Variants in NYAP2 observed in about 807,000 individuals in gnomAD.
NYAP2 encodes neuronal tyrosine-phosphorylated phosphoinositide-3-kinase adaptor 2.
A neutral mutation model predicts 50.4 loss-of-function variants in NYAP2; 23 were observed. The ratio of observed to expected loss-of-function variants is 0.46; its 90% CI spans 0.33 to 0.65. The LOEUF is 0.65. Among genes scored for constraint, NYAP2 ranks in the 30% least tolerant of loss-of-function variants. The probability of loss-of-function intolerance (pLI) is 0.02; values close to 1 mark genes in which losing one functional copy is unlikely to be tolerated. For synonymous variants in NYAP2, 394 were observed against 365.2 expected (o/e 1.08, Z -0.90); for missense variants, 885 against 861.0 (o/e 1.03, Z -0.35).
chr2:225,648,765 C>T (rs139043567), intron 6 of NYAP2, among the ~76,000 whole-genome samples: 2 of 152,164 alleles, frequency 1.3e-5, no homozygotes, highest in Non-Finnish European at 2.9e-5. Context: ...ATGTAGACAG[C>T]CTAGGGACCA....
chr2:225,648,441 G>A (rs201216619), intron 6 of NYAP2, among the ~76,000 whole-genome samples: 1 of 152,146 alleles, frequency 6.6e-6, no homozygotes, highest in African/African-American at 2.4e-5. Context: ...TTTTGAACAA[G>A]ATGAGTGGCC....
chr2:225,637,989 A>G (rs1368090664), intron 6 of NYAP2, among the ~76,000 whole-genome samples: 2 of 152,226 alleles, frequency 1.3e-5, no homozygotes, highest in Admixed American at 6.5e-5. Context: ...ATCGAAATGA[A>G]TATTGTTGTC....
At chr2:225,603,518 G>A (rs1266569095) in intron 5 of NYAP2, among the ~76,000 whole-genome samples, 2 of 152,134 alleles carry the variant, frequency 1.3e-5, no homozygotes, top group Admixed American at 1.3e-4. Context: ...CTGGAGTGCA[G>A]TAATGCGATC....
intron 5 of NYAP2, among the ~76,000 whole-genome samples, chr2:225,603,130 A>C (rs1008296817): frequency 9.2e-5 from 14 of 152,160 alleles, no homozygotes; most frequent in Non-Finnish European, 1.6e-4. Context: ...TCAGTGTATA[A>C]GTCTTTTACT....
At chr2:225,469,025 A>G (rs995372174) in intron 3 of NYAP2, among the ~76,000 whole-genome samples, 1 of 152,242 alleles carries the variant, frequency 6.6e-6, no homozygotes, top group Admixed American at 6.5e-5. Context: ...ATGAGATCTA[A>G]TTAAACTAAA....
At chr2:225,565,341 T>G (rs1897227) in intron 4 of NYAP2, among the ~76,000 whole-genome samples, 16,183 of 152,146 alleles carry the variant, frequency 0.11, 976 homozygotes, top group South Asian at 0.13. Flanking sequence ...TACATATTTT[T>G]AAAACACATG....
At chr2:225,442,171 A>G (rs1322137915) in intron 3 of NYAP2, among the ~76,000 whole-genome samples, 1 of 152,228 alleles carries the variant, frequency 6.6e-6, no homozygotes, top group African/African-American at 2.4e-5. Flanking sequence ...AATAATCCGT[A>G]TTTGTTCCAA....
intron 4 of NYAP2, among the ~76,000 whole-genome samples, chr2:225,522,388 A>T (rs527841905): frequency 6.6e-6 from 1 of 152,218 alleles, no homozygotes; most frequent in South Asian, 2.1e-4. Flanking sequence ...TGTTTTAGAC[A>T]TGTTTAGTAA....
At chr2:225,401,617 C>G (rs1397299587) in intron 2 of NYAP2, among the ~76,000 whole-genome samples, 4 of 151,986 alleles carry the variant, frequency 2.6e-5, no homozygotes, top group African/African-American at 9.7e-5. Context: ...TTAGTCTCAT[C>G]ACAATAAATA....
At chr2:225,487,695 G>C (rs1448809844) in intron 3 of NYAP2, among the ~76,000 whole-genome samples, 1 of 152,076 alleles carries the variant, frequency 6.6e-6, no homozygotes, top group African/African-American at 2.4e-5. Flanking sequence ...TAGGAATTTT[G>C]AATTAGCTTT....
At position 225,582,720 on chromosome 2, in the gene NYAP2, A is replaced by G. The variant is rs1484359877; in HGVS notation, c.1303A>G (p.Thr435Ala). ...CCATGGCTACCCTAAAAGTCACTCC[A>G]CCTCTCCCTCCCCCGTCAGCATGGG... is the stretch of plus-strand genomic sequence containing the variant. Residue 435 changes from threonine (T) to alanine (A), a missense_variant, in exon 5 of 7, where the codon ACC becomes GCC. Transcript: ENST00000636099. The surrounding 1 kb of genome is among the most constrained non-coding windows in gnomAD (Gnocchi z 7.0). 1 of 1,604,866 alleles carries G rather than the reference A, an allele frequency of 6.2e-7. No homozygotes were observed. Among genetic ancestry groups the G allele is most frequent in the Admixed American group, 1.7e-5 (1 of 59,316 alleles).
At chr2:225,532,740 A>T (rs1691278738) in intron 4 of NYAP2, among the ~76,000 whole-genome samples, 1 of 152,196 alleles carries the variant, frequency 6.6e-6, no homozygotes, top group Non-Finnish European at 1.5e-5. Context: ...ACAATGTACA[A>T]GCAGGGGAAA....
chr2:225,410,228 CTT>C (rs1695012910), intron 3 of NYAP2, among the ~76,000 whole-genome samples: 1 of 151,952 alleles, frequency 6.6e-6, no homozygotes, highest in Admixed American at 6.6e-5. Context: ...AAAGAGAACT[CTT>C]TTTTCTCTGG....
intron 4 of NYAP2, among the ~76,000 whole-genome samples, chr2:225,551,636 A>G (rs935448893): frequency 1.3e-5 from 2 of 152,228 alleles, no homozygotes; most frequent in Admixed American, 1.3e-4. Context: ...TTTTTTAAGA[A>G]GAGATCAACC....
At chr2:225,425,312 G>T (rs1695270988) in intron 3 of NYAP2, among the ~76,000 whole-genome samples, 2 of 152,292 alleles carry the variant, frequency 1.3e-5, no homozygotes, top group East Asian at 3.9e-4. Flanking sequence ...GTTTCTGTGT[G>T]TGTGACTGTG....
the NYAP2 span, among the ~76,000 whole-genome samples, chr2:225,694,707 T>C: frequency 2.0e-5 from 3 of 151,856 alleles, 1 homozygote; most frequent in African/African-American, 7.2e-5. Flanking sequence ...TGATAGCAGA[T>C]ATAAAATAAG....
intron 6 of NYAP2, among the ~76,000 whole-genome samples, chr2:225,632,680 A>G (rs1206914111): frequency 6.6e-6 from 1 of 152,182 alleles, no homozygotes; most frequent in Non-Finnish European, 1.5e-5. Context: ...ATGCTCATGA[A>G]CATAATAGGA....
At position 225,582,509 on chromosome 2, in the gene NYAP2, C is replaced by T. The variant is rs1172974680; in HGVS notation, c.1092C>T (p.Pro364=). 1.1e-5 allele frequency: 17 copies of T among 1,558,106 alleles called. No homozygotes were observed. Among genetic ancestry groups the T allele is most frequent in the Non-Finnish European group, 1.4e-5 (16 of 1,148,938 alleles). ...CCCCTCTGGAGGTCACGAAGCTTCC[C>T]GTGCTGGAAAACGTGTCTTACATGA... Residue 364 remains proline, a synonymous_variant, in exon 5 of 7, where the codon CCC becomes CCT. Coordinates refer to ENST00000636099, the Ensembl canonical transcript of NYAP2. The surrounding 1 kb of genome is among the most constrained non-coding windows in gnomAD (Gnocchi z 7.0).
At chr2:225,583,900 G>A (rs1692344755) in intron 5 of NYAP2, among the ~76,000 whole-genome samples, 3 of 152,094 alleles carry the variant, frequency 2.0e-5, no homozygotes, top group Admixed American at 2.0e-4. Context: ...AAATTAGCCG[G>A]GTGTGGTGGC....
Sources: allele counts gnomAD v4.1 joint callset (sites outside exome capture counted in the v4.1 genomes callset), GRCh38; gene constraint gnomAD v4.1.1; non-coding constraint Gnocchi (gnomAD v3.1); transcripts MANE v1.5; gene names NCBI Gene and HGNC (gene_info 2026-07-23, HGNC 2026-07-21).